The following PGM1 variants were observed in gnomAD, a reference collection of about 807,000 sequenced individuals.
PGM1 encodes the protein phosphoglucomutase-1.
In PGM1, 52 loss-of-function variants were observed where a neutral mutation model predicts 55.6. That is an observed-to-expected ratio of 0.94 (90% CI 0.75 to 1.18). PGM1 has a LOEUF of 1.18. Among genes scored for constraint, PGM1 ranks in the 50% most tolerant of loss-of-function variants. The probability of loss-of-function intolerance (pLI) is 0.00; values close to 1 mark genes in which losing one functional copy is unlikely to be tolerated. For missense variants in PGM1, 724 were observed against 729.3 expected, an observed-to-expected ratio of 0.99 and a Z score of 0.08; for synonymous variants, 287 against 271.7, an observed-to-expected ratio of 1.06 and a Z score of -0.55.
intron 1 of PGM1, among the ~76,000 whole-genome samples, chr1:63,618,780 A>T (rs942282825): frequency 3.3e-5 from 5 of 152,278 alleles, no homozygotes; most frequent in Middle Eastern, 3.4e-3. Context: ...CAGCGCCAAA[A>T]GGGATTCTCC....
At chr1:63,599,254 C>T (rs1291273642) in intron 1 of PGM1, among the ~76,000 whole-genome samples, 1 of 152,074 alleles carries the variant, frequency 6.6e-6, no homozygotes, top group Non-Finnish European at 1.5e-5. Flanking sequence ...TAACCTCCGC[C>T]TCCTGGGTTC....
chr1:63,658,791 CACACTGCTGATAA>C (rs372594750), intron 10 of PGM1, among the ~76,000 whole-genome samples: 6,962 of 151,608 alleles, frequency 0.046, 203 homozygotes, highest in Middle Eastern at 0.088. Context: ...AGTCTGTTTT[CACACTGCTGATAA>C]AGACATACCT....
intron 8 of PGM1, among the ~76,000 whole-genome samples, chr1:63,651,039 G>T (rs538639235): frequency 6.6e-6 from 1 of 151,730 alleles, no homozygotes; most frequent in Non-Finnish European, 1.5e-5. Context: ...AAACCTGCAC[G>T]TTCTGCACAT....
At chr1:63,625,417 A>C (rs564152764) in intron 1 of PGM1, among the ~76,000 whole-genome samples, 56 of 152,328 alleles carry the variant, frequency 3.7e-4, no homozygotes, top group African/African-American at 1.3e-3. Context: ...ATGCTAACCA[A>C]CTGAATTGCT....
intron 7 of PGM1, among the ~76,000 whole-genome samples, chr1:63,640,546 T>G (rs944368918): frequency 1.8e-4 from 28 of 152,118 alleles, no homozygotes; most frequent in African/African-American, 6.3e-4. Flanking sequence ...CAATAATGAT[T>G]ATTATTATTA....
At chr1:63,618,720 G>C (rs1431584357) in intron 1 of PGM1, among the ~76,000 whole-genome samples, 3 of 152,144 alleles carry the variant, frequency 2.0e-5, no homozygotes, top group Non-Finnish European at 4.4e-5. Context: ...AGCTGGGTGA[G>C]GTGTGGCTCG....
At chr1:63,605,625 T>G (rs867317283) in intron 1 of PGM1, among the ~76,000 whole-genome samples, 2 of 152,284 alleles carry the variant, frequency 1.3e-5, no homozygotes, top group South Asian at 4.1e-4. Flanking sequence ...CCATCCAGGC[T>G]GAGTGCAGTG....
intron 1 of PGM1, among the ~76,000 whole-genome samples, chr1:63,602,943 A>G (rs1648286069): frequency 6.6e-6 from 1 of 152,164 alleles, no homozygotes; most frequent in South Asian, 2.1e-4. Flanking sequence ...AGGAAAGCAT[A>G]AAGGAGGCGT....
intron 1 of PGM1, among the ~76,000 whole-genome samples, chr1:63,621,466 A>G (rs1648877385): frequency 6.6e-6 from 1 of 152,232 alleles, no homozygotes; most frequent in Non-Finnish European, 1.5e-5. Context: ...ATGATATTTT[A>G]TAAATCTGGA....
chr1:63,598,473 G>A (rs1241535925), intron 1 of PGM1, among the ~76,000 whole-genome samples: 2 of 152,080 alleles, frequency 1.3e-5, no homozygotes, highest in Non-Finnish European at 2.9e-5. Flanking sequence ...TATAAATGAT[G>A]TTTTGAGACG....
chr1:63,620,104 A>C (rs573357211), intron 1 of PGM1, among the ~76,000 whole-genome samples: 3 of 152,318 alleles, frequency 2.0e-5, no homozygotes, highest in African/African-American at 7.2e-5. Flanking sequence ...CTTCAGAGCT[A>C]TCCCCATTTT....
chr1:63,657,229 A>G (rs1649992634), intron 10 of PGM1, among the ~76,000 whole-genome samples: 1 of 152,226 alleles, frequency 6.6e-6, no homozygotes, highest in Non-Finnish European at 1.5e-5. Context: ...AACCCCTGGC[A>G]TAGTGGTTTT....
intron 1 of PGM1, among the ~76,000 whole-genome samples, chr1:63,621,514 A>C (rs774565602): frequency 1.3e-5 from 2 of 152,224 alleles, no homozygotes; most frequent in South Asian, 4.2e-4. Context: ...ATGCCAGCCT[A>C]ATTCACAAGC....
chr1:63,638,661 A>G (rs776572579), intron 6 of PGM1, 24 bp from the exon 7 acceptor site: 6 of 1,498,114 alleles, frequency 4.0e-6, no homozygotes, highest in Non-Finnish European at 5.6e-6. Context: ...GCTGTGATGT[A>G]ACTTTGATTT....
intron 10 of PGM1, among the ~76,000 whole-genome samples, chr1:63,656,678 A>G (rs951962114): frequency 6.6e-6 from 1 of 152,120 alleles, no homozygotes; most frequent in African/African-American, 2.4e-5. Flanking sequence ...GCCATTTGCA[A>G]TAACATGGAT....
chr1:63,614,442 C>T (rs1230171759), intron 1 of PGM1, among the ~76,000 whole-genome samples: 1 of 152,144 alleles, frequency 6.6e-6, no homozygotes, highest in African/African-American at 2.4e-5. Flanking sequence ...TTGCTGCTGC[C>T]CCCATGAGCC....
intron 1 of PGM1, among the ~76,000 whole-genome samples, chr1:63,606,216 G>T (rs958672006): frequency 1.3e-5 from 2 of 152,164 alleles, no homozygotes; most frequent in Admixed American, 1.3e-4. Flanking sequence ...CATGCTATCA[G>T]AGGCAACAAA....
intron 7 of PGM1, among the ~76,000 whole-genome samples, chr1:63,641,441 T>G (rs907713628): frequency 1.3e-5 from 2 of 152,198 alleles, no homozygotes; most frequent in African/African-American, 4.8e-5. Flanking sequence ...AGGAGTTAAT[T>G]TTTAGCAACC....
At chr1:63,632,491 T>C (rs1649221904) in intron 4 of PGM1, among the ~76,000 whole-genome samples, 1 of 152,172 alleles carries the variant, frequency 6.6e-6, no homozygotes, top group South Asian at 2.1e-4. Context: ...GCTGGTGAAC[T>C]AAAACCTTCC....
Sources: allele counts gnomAD v4.1 joint callset (sites outside exome capture counted in the v4.1 genomes callset), GRCh38; gene constraint gnomAD v4.1.1; transcripts MANE v1.5; gene names NCBI Gene and HGNC (gene_info 2026-07-23, HGNC 2026-07-21).